Variants in PPP2R5E observed in about 807,000 individuals in gnomAD.
PPP2R5E encodes the protein serine/threonine-protein phosphatase 2A 56 kDa regulatory subunit epsilon isoform.
Under a neutral mutation model 65.3 loss-of-function variants are expected in PPP2R5E, and 4 were observed. The observed-to-expected ratio is 0.06, with a 90% confidence interval of 0.03 to 0.14. The LOEUF (loss-of-function observed/expected upper bound fraction) is 0.14. PPP2R5E is among the 10% of genes least tolerant of loss of function. PPP2R5E has a pLI of 1.00. For synonymous variants in PPP2R5E, 183 were observed against 187.4 expected (o/e 0.98, Z 0.19); for missense variants, 274 against 556.1 (o/e 0.49, Z 5.10).
At chr14:63,477,544 AG>A (rs1890469846) in intron 2 of PPP2R5E, among the ~76,000 whole-genome samples, 1 of 152,110 alleles carries the variant, frequency 6.6e-6, no homozygotes, top group Non-Finnish European at 1.5e-5. Context: ...GCAGTAATGG[AG>A]AAAGGAGATG....
chr14:63,488,864 T>C (rs1891141855), intron 2 of PPP2R5E, among the ~76,000 whole-genome samples: 1 of 150,912 alleles, frequency 6.6e-6, no homozygotes, highest in African/African-American at 2.4e-5. Context: ...AATAAATTAA[T>C]TTAATTAAAT....
At chr14:63,516,190 C>T (rs1566756469) in intron 2 of PPP2R5E, among the ~76,000 whole-genome samples, 1 of 152,102 alleles carries the variant, frequency 6.6e-6, no homozygotes, top group Non-Finnish European at 1.5e-5. Context: ...AAGGAAAATT[C>T]CACAAGGGTG....
chr14:63,432,307 A>G (rs1020699251), intron 3 of PPP2R5E, among the ~76,000 whole-genome samples: 1 of 152,176 alleles, frequency 6.6e-6, no homozygotes. Flanking sequence ...CAGTCGGAGT[A>G]TTTAGCTGAT....
chr14:63,465,081 T>C (rs1464205867), intron 2 of PPP2R5E, among the ~76,000 whole-genome samples: 1 of 150,700 alleles, frequency 6.6e-6, no homozygotes, highest in African/African-American at 2.4e-5. Flanking sequence ...TTCACAGGGT[T>C]GAGTAAAGAT....
chr14:63,407,382 G>A (rs1214339149), intron 5 of PPP2R5E, among the ~76,000 whole-genome samples: 1 of 152,092 alleles, frequency 6.6e-6, no homozygotes, highest in African/African-American at 2.4e-5. Context: ...GTGAAAGGAA[G>A]GAAGCAACGA....
intron 2 of PPP2R5E, among the ~76,000 whole-genome samples, chr14:63,466,845 A>C (rs1889836731): frequency 6.6e-6 from 1 of 152,208 alleles, no homozygotes; most frequent in Non-Finnish European, 1.5e-5. Flanking sequence ...CTCCAAAATC[A>C]AAACTTGGAG....
At position 63,505,185 on chromosome 14, in the gene PPP2R5E, A is replaced by G. The variant is rs374695636; in HGVS notation, c.157+34344T>C. The stretch of plus-strand genomic sequence containing the variant: ...CCCTGCCTCTACTAAAAATACAAAA[A>G]TTAGCCGGACATGTTTGCTTGAACC... On this transcript the variant is annotated intron_variant, in intron 2 of 13. Transcript: ENST00000337537. 5.9e-5 allele frequency among the ~76,000 whole-genome samples: 9 copies of G among 152,216 alleles called. No homozygotes were observed. The East Asian group carries it at 1.7e-3, about 29-fold the overall frequency.
chr14:63,542,926 T>C lies in PPP2R5E; in HGVS notation c.-155A>G. ...TGCGGGGAGCCTGGGGCGACGGCTG[T>C]CCGGTACGGGGTCCCTCCGGTTCCG... On this transcript the variant is annotated 5_prime_UTR_variant, in exon 1 of 14. Transcript: ENST00000337537. 6.5e-6 allele frequency: 1 copy of C among 152,804 alleles called. No homozygotes were observed. Among genetic ancestry groups the C allele is most frequent in the South Asian group, 2.0e-4 (1 of 4,990 alleles). The allele number at this position is 152,804 out of a possible 1,614,324, so 9.5% of individuals were successfully genotyped here. A position where few individuals can be genotyped will look rare whatever the true frequency, so the allele number is the denominator to read the frequency against.
chr14:63,526,758 T>C (rs1173606639), intron 2 of PPP2R5E, among the ~76,000 whole-genome samples: 1 of 152,196 alleles, frequency 6.6e-6, no homozygotes, highest in Non-Finnish European at 1.5e-5. Context: ...AGTTTTGCCA[T>C]GCTTCCCAGG....
At chr14:63,411,658 TAAAAAAAAAAAAA>T (rs766263301) in intron 5 of PPP2R5E, among the ~76,000 whole-genome samples, 3 of 93,108 alleles carry the variant, frequency 3.2e-5, no homozygotes, top group East Asian at 3.3e-4. Context: ...TGTGGTTGTT[TAAAAAAAAAAAAA>T]AAAAAAAAAA....
At chr14:63,417,482 T>C (rs1003068943) in intron 4 of PPP2R5E, among the ~76,000 whole-genome samples, 20 of 132,348 alleles carry the variant, frequency 1.5e-4, no homozygotes, top group African/African-American at 6.6e-4. Flanking sequence ...TGATGTTTCA[T>C]GAGGAGGAAA....
chr14:63,386,332 G>C (rs1268728631), intron 11 of PPP2R5E, among the ~76,000 whole-genome samples: 2 of 152,188 alleles, frequency 1.3e-5, no homozygotes, highest in African/African-American at 4.8e-5. Context: ...AACCAACAGA[G>C]TTGGTACCAT....
intron 2 of PPP2R5E, among the ~76,000 whole-genome samples, chr14:63,522,092 C>CTTT (rs1892937561): frequency 6.0e-5 from 9 of 151,132 alleles, no homozygotes; most frequent in Non-Finnish European, 1.0e-4. Flanking sequence ...TGCAGGCACG[C>CTTT]GCCGCCACGC....
At position 63,448,745 on chromosome 14, in the gene PPP2R5E, G is replaced by A. The variant is rs550991583; in HGVS notation, c.354+4944C>T. ...CGGGAGGTTGCAGTGAGCCAAGATCGTGCCATTGCACTCCAGCCTGGGTGA... is the reference window on the plus strand; with the variant it reads ...CGGGAGGTTGCAGTGAGCCAAGATCATGCCATTGCACTCCAGCCTGGGTGA... On this transcript the variant is annotated intron_variant, in intron 3 of 13. Coordinates refer to ENST00000337537, the MANE Select transcript of PPP2R5E (RefSeq NM_006246.5). Among the ~76,000 whole-genome samples the A allele has an allele frequency of 1.4e-4, 21 of 146,298 alleles. No homozygotes were observed. The East Asian group carries it at 2.2e-3, about 16-fold the overall frequency.
chr14:63,399,366 C>CTTTTTTTTTTTTTTTTTTTTTTTTT (rs397814218), intron 5 of PPP2R5E, among the ~76,000 whole-genome samples: 2 of 48,504 alleles, frequency 4.1e-5, no homozygotes, highest in Non-Finnish European at 7.2e-5. Flanking sequence ...GGATTTCTTT[C>CTTTTTTTTTTTTTTTTTTTTTTTTT]TTTTTTTTTT....
chr14:63,495,936 C>T (rs1186279403), intron 2 of PPP2R5E, among the ~76,000 whole-genome samples: 2 of 152,086 alleles, frequency 1.3e-5, no homozygotes, highest in African/African-American at 2.4e-5. Flanking sequence ...GCGATCCTCC[C>T]GCCTCAGCCT....
chr14:63,391,943 GT>G lies in PPP2R5E; in HGVS notation c.903+28del, dbSNP rs1566669181. ...TTCTGGGAAAGGTAATTTTTCTTAA[GT>G]TTTTGAAATTATGGAAAAAAGACTT... On this transcript the variant is annotated intron_variant, in intron 9 of 13. Transcript: ENST00000337537. 3 of 1,608,324 alleles carry G rather than the reference GT, an allele frequency of 1.9e-6. No individual in the cohort carries two copies. The Admixed American group carries it at 5.0e-5, about 27-fold the overall frequency.
intron 3 of PPP2R5E, among the ~76,000 whole-genome samples, chr14:63,450,509 G>A (rs1350071062): frequency 6.6e-6 from 1 of 152,150 alleles, no homozygotes; most frequent in Non-Finnish European, 1.5e-5. Flanking sequence ...ACACCAAGCT[G>A]GTCCATATGG....
chr14:63,388,946 G>A (rs911039960), intron 11 of PPP2R5E, among the ~76,000 whole-genome samples: 2 of 152,146 alleles, frequency 1.3e-5, no homozygotes, highest in African/African-American at 4.8e-5. Context: ...CTTCCCTCCT[G>A]TGTGGGTTCC....
Sources: allele counts gnomAD v4.1 joint callset (sites outside exome capture counted in the v4.1 genomes callset), GRCh38; gene constraint gnomAD v4.1.1; transcripts MANE v1.5; gene names NCBI Gene and HGNC (gene_info 2026-07-23, HGNC 2026-07-21).